OPCML: variants seen among roughly 807,000 people sequenced by gnomAD.
OPCML encodes opioid-binding protein/cell adhesion molecule.
In OPCML, 13 loss-of-function variants were observed where a neutral mutation model predicts 37.8. That is an observed-to-expected ratio of 0.34 (90% CI 0.22 to 0.55). The LOEUF (loss-of-function observed/expected upper bound fraction) is 0.55. OPCML is among the 20% of genes least tolerant of loss of function. OPCML has a pLI of 0.91. For missense variants in OPCML, 341 were observed against 435.6 expected, an observed-to-expected ratio of 0.78 and a Z score of 1.93; for synonymous variants, 176 against 168.8, an observed-to-expected ratio of 1.04 and a Z score of -0.33.
chr11:132,814,716 A>G (rs532429727), intron 2 of OPCML, among the ~76,000 whole-genome samples: 1 of 152,354 alleles, frequency 6.6e-6, no homozygotes, highest in African/African-American at 2.4e-5. Context: ...GTTGACATGT[A>G]AAAAATTAAC....
At chr11:132,779,224 T>A (rs937831365) in intron 2 of OPCML, among the ~76,000 whole-genome samples, 2 of 152,166 alleles carry the variant, frequency 1.3e-5, no homozygotes, top group Non-Finnish European at 2.9e-5. Flanking sequence ...CACCTCAGCC[T>A]CCCAAAGTGC....
chr11:132,477,688 G>GT (rs1202663065), intron 4 of OPCML, among the ~76,000 whole-genome samples: 1 of 152,196 alleles, frequency 6.6e-6, no homozygotes, highest in Admixed American at 6.5e-5. Flanking sequence ...ATGAACATAT[G>GT]TTTTTCTGGA....
At chr11:132,808,235 G>T (rs543141865) in intron 2 of OPCML, among the ~76,000 whole-genome samples, 1 of 152,324 alleles carries the variant, frequency 6.6e-6, no homozygotes, top group African/African-American at 2.4e-5. Flanking sequence ...ATGTAATAAA[G>T]CTCCGACTGC....
chr11:133,424,890 C>T (rs1415844638), intron 1 of OPCML, among the ~76,000 whole-genome samples: 1 of 152,180 alleles, frequency 6.6e-6, no homozygotes, highest in African/African-American at 2.4e-5. Context: ...ACCATAATCT[C>T]CCCTGGGGGC....
chr11:132,647,611 A>G (rs1941220979), intron 3 of OPCML, among the ~76,000 whole-genome samples: 1 of 152,212 alleles, frequency 6.6e-6, no homozygotes, highest in Non-Finnish European at 1.5e-5. Flanking sequence ...AAATATATTT[A>G]CTGTTCATTA....
At chr11:132,482,769 A>G (rs2096185513) in intron 4 of OPCML, among the ~76,000 whole-genome samples, 2 of 152,086 alleles carry the variant, frequency 1.3e-5, no homozygotes, top group Admixed American at 6.6e-5. Context: ...TTCAATATAC[A>G]CAAATCAATA....
intron 3 of OPCML, among the ~76,000 whole-genome samples, chr11:132,653,693 G>T (rs1200608791): frequency 6.6e-6 from 1 of 152,150 alleles, no homozygotes; most frequent in Non-Finnish European, 1.5e-5. Context: ...ACAGGAAAGG[G>T]CAGGCAGGAA....
chr11:133,253,270 G>A (rs1941202108), intron 1 of OPCML, among the ~76,000 whole-genome samples: 1 of 151,964 alleles, frequency 6.6e-6, no homozygotes, highest in Non-Finnish European at 1.5e-5. Context: ...ACTCTTTTGG[G>A]GTCTTCCTGT....
intron 2 of OPCML, among the ~76,000 whole-genome samples, chr11:132,816,712 T>C (rs1939660705): frequency 6.6e-6 from 1 of 152,166 alleles, no homozygotes; most frequent in Non-Finnish European, 1.5e-5. Context: ...TGGGACTGCA[T>C]TTTCATGACT....
chr11:132,620,143 G>C (rs1168776972), intron 3 of OPCML, among the ~76,000 whole-genome samples: 1 of 152,138 alleles, frequency 6.6e-6, no homozygotes, highest in Non-Finnish European at 1.5e-5. Flanking sequence ...ATTTGATATT[G>C]AGGTTCTCTT....
At chr11:132,498,132 A>G (rs1364894818) in intron 4 of OPCML, among the ~76,000 whole-genome samples, 2 of 152,238 alleles carry the variant, frequency 1.3e-5, no homozygotes, top group African/African-American at 4.8e-5. Context: ...CCAAAGGAAG[A>G]GAAAAACACT....
intron 3 of OPCML, among the ~76,000 whole-genome samples, chr11:132,554,338 C>A (rs2137450883): frequency 6.6e-6 from 1 of 152,348 alleles, no homozygotes; most frequent in Non-Finnish European, 1.5e-5. Context: ...GCCTCAGCCC[C>A]TGGCACAAGC....
At chr11:133,330,643 A>G (rs1943597356) in intron 1 of OPCML, among the ~76,000 whole-genome samples, 1 of 148,276 alleles carries the variant, frequency 6.7e-6, no homozygotes, top group South Asian at 2.3e-4. Context: ...CAATGAGAAC[A>G]CATGGACACA....
chr11:132,644,399 G>A (rs189109035), intron 3 of OPCML, among the ~76,000 whole-genome samples: 12 of 152,116 alleles, frequency 7.9e-5, no homozygotes, highest in Non-Finnish European at 1.5e-4. Context: ...CGCATGGCTC[G>A]CTTACCTGCG....
intron 4 of OPCML, among the ~76,000 whole-genome samples, chr11:132,493,339 G>T (rs781579917): frequency 1.3e-5 from 2 of 152,184 alleles, no homozygotes; most frequent in Non-Finnish European, 2.9e-5. Flanking sequence ...CTGCTGAGAT[G>T]CTCTTCCCTT....
intron 1 of OPCML, among the ~76,000 whole-genome samples, chr11:132,989,219 A>G (rs181776131): frequency 1.3e-5 from 2 of 152,324 alleles, no homozygotes; most frequent in East Asian, 1.9e-4. Context: ...AGAGGAAAAA[A>G]TCATTGGTTC....
At chr11:132,855,952 G>A (rs1378521448) in intron 2 of OPCML, among the ~76,000 whole-genome samples, 1 of 152,178 alleles carries the variant, frequency 6.6e-6, no homozygotes, top group Non-Finnish European at 1.5e-5. Context: ...ACCAGTTGGT[G>A]TGATGTCTAA....
intron 1 of OPCML, among the ~76,000 whole-genome samples, chr11:133,484,560 C>G (rs1239964610): frequency 6.6e-6 from 1 of 152,046 alleles, no homozygotes; most frequent in African/African-American, 2.4e-5. Flanking sequence ...GGACACATAA[C>G]AGATAGTAAA....
At chr11:133,152,819 C>T (rs1264845466) in intron 1 of OPCML, among the ~76,000 whole-genome samples, 2 of 151,724 alleles carry the variant, frequency 1.3e-5, no homozygotes, top group Admixed American at 6.6e-5. Context: ...AGCCCCAGCA[C>T]GCAATTTGCT....
Sources: allele counts gnomAD v4.1 joint callset (sites outside exome capture counted in the v4.1 genomes callset), GRCh38; gene constraint gnomAD v4.1.1; transcripts MANE v1.5; gene names NCBI Gene and HGNC (gene_info 2026-07-23, HGNC 2026-07-21).